DSCAM: variants seen among roughly 807,000 people sequenced by gnomAD.
The protein encoded by DSCAM is cell adhesion molecule DSCAM.
Under a neutral mutation model 217.7 loss-of-function variants are expected in DSCAM, and 47 were observed. The ratio of observed to expected loss-of-function variants is 0.22; its 90% confidence interval spans 0.17 to 0.28. The LOEUF is 0.28. DSCAM is among the 10% of genes least tolerant of loss of function. DSCAM has a pLI of 1.00. For missense variants in DSCAM, 2,080 were observed against 2,618.3 expected (o/e 0.79, Z 4.49); for synonymous variants, 1,056 against 1,015.3 (o/e 1.04, Z -0.76).
chr21:40,556,597 T>G (rs529058509), intron 3 of DSCAM, among the ~76,000 whole-genome samples: 1 of 152,032 alleles, frequency 6.6e-6, no homozygotes, highest in Non-Finnish European at 1.5e-5. Flanking sequence ...CTTCCACTCA[T>G]GGTGGAAGGC....
intron 1 of DSCAM, among the ~76,000 whole-genome samples, chr21:40,728,747 C>T (rs542741059): frequency 4.8e-4 from 73 of 152,346 alleles, no homozygotes; most frequent in African/African-American, 1.7e-3. Flanking sequence ...AATGCCGCCT[C>T]TCCATTTGCA....
intron 3 of DSCAM, among the ~76,000 whole-genome samples, chr21:40,537,996 G>C (rs969016437): frequency 1.3e-5 from 2 of 152,200 alleles, no homozygotes; most frequent in Non-Finnish European, 2.9e-5. Flanking sequence ...ATCTCAGAGA[G>C]AGCGCTCAAT....
intron 10 of DSCAM, among the ~76,000 whole-genome samples, chr21:40,286,005 G>T (rs1321790777): frequency 6.6e-6 from 1 of 152,094 alleles, no homozygotes; most frequent in African/African-American, 2.4e-5. Flanking sequence ...GTGGAGTCTT[G>T]GGGTGCTCTA....
intron 4 of DSCAM, among the ~76,000 whole-genome samples, chr21:40,365,457 T>C (rs2074821257): frequency 1.3e-5 from 2 of 152,280 alleles, no homozygotes; most frequent in South Asian, 4.1e-4. Flanking sequence ...TTTTGGGAAT[T>C]AGACTGACTT....
chr21:40,203,304 T>G (rs2091090152), intron 11 of DSCAM, among the ~76,000 whole-genome samples: 1 of 152,266 alleles, frequency 6.6e-6, no homozygotes, highest in South Asian at 2.1e-4. Context: ...CATACATGTA[T>G]AGTACCTGTT....
At chr21:40,246,835 G>A (rs371352828) in intron 11 of DSCAM, among the ~76,000 whole-genome samples, 3 of 152,284 alleles carry the variant, frequency 2.0e-5, no homozygotes, top group African/African-American at 2.4e-5. Flanking sequence ...TCACCTATAT[G>A]TGGCCTTGGG....
At chr21:40,506,366 A>C (rs936775711) in intron 3 of DSCAM, among the ~76,000 whole-genome samples, 3 of 152,212 alleles carry the variant, frequency 2.0e-5, no homozygotes, top group South Asian at 4.1e-4. Context: ...TCCATGATGA[A>C]CATGAAAAAT....
chr21:40,092,454 G>A (rs1332282176), intron 21 of DSCAM, among the ~76,000 whole-genome samples: 1 of 152,142 alleles, frequency 6.6e-6, no homozygotes, highest in Non-Finnish European at 1.5e-5. Flanking sequence ...CACTCAAAAT[G>A]ACTTATTAAA....
chr21:40,059,594 G>A (rs943630511), intron 28 of DSCAM, among the ~76,000 whole-genome samples: 12 of 152,150 alleles, frequency 7.9e-5, no homozygotes, highest in Non-Finnish European at 1.2e-4. Flanking sequence ...CCTGAAATAC[G>A]CAGATACTTC....
At chr21:40,679,088 C>G (rs1370556695) in intron 3 of DSCAM, among the ~76,000 whole-genome samples, 1 of 152,210 alleles carries the variant, frequency 6.6e-6, no homozygotes, top group African/African-American at 2.4e-5. Flanking sequence ...CAGGCTGCCC[C>G]TGATTGGCCA....
chr21:40,807,641 C>T (rs2091799992), intron 1 of DSCAM, among the ~76,000 whole-genome samples: 1 of 152,094 alleles, frequency 6.6e-6, no homozygotes, highest in South Asian at 2.1e-4. Context: ...AATATAAAGA[C>T]CCAAAGGTCA....
intron 3 of DSCAM, among the ~76,000 whole-genome samples, chr21:40,395,663 T>C (rs539835520): frequency 6.6e-6 from 1 of 152,340 alleles, no homozygotes; most frequent in East Asian, 1.9e-4. Flanking sequence ...TTTCTCTTTA[T>C]ATTCATGAAC....
intron 26 of DSCAM, 101 bp from the exon 27 acceptor site, chr21:40,075,314 G>C (rs1490517845): frequency 1.8e-5 from 22 of 1,251,094 alleles, no homozygotes; most frequent in Non-Finnish European, 2.3e-5. Flanking sequence ...TGATCCAAGG[G>C]TGTTGGAGGT....
chr21:40,185,528 C>A (rs1463842981), intron 14 of DSCAM, among the ~76,000 whole-genome samples: 4 of 152,182 alleles, frequency 2.6e-5, no homozygotes, highest in Non-Finnish European at 5.9e-5. Context: ...CTCCTGTGTG[C>A]TCCCGCACCA....
intron 3 of DSCAM, among the ~76,000 whole-genome samples, chr21:40,573,108 C>A (rs112295319): frequency 0.038 from 5,756 of 152,140 alleles, 314 homozygotes; most frequent in African/African-American, 0.12. Context: ...GAGGCCGAGG[C>A]GGGCAGATCA....
chr21:40,843,380 G>GCA (rs2092118386), intron 1 of DSCAM, among the ~76,000 whole-genome samples: 1 of 139,792 alleles, frequency 7.2e-6, no homozygotes, highest in South Asian at 2.1e-4. Context: ...GTGTGTGTGT[G>GCA]TGTGTGTGTG....
chr21:40,644,963 C>T (rs935086149), intron 3 of DSCAM, among the ~76,000 whole-genome samples: 14 of 152,128 alleles, frequency 9.2e-5, no homozygotes, highest in African/African-American at 3.4e-4. Flanking sequence ...AGCACTCATA[C>T]CCTTCTACCA....
intron 10 of DSCAM, among the ~76,000 whole-genome samples, chr21:40,291,213 C>T (rs1027003428): frequency 1.3e-5 from 2 of 152,342 alleles, no homozygotes; most frequent in South Asian, 2.1e-4. Context: ...ACCCTGGTTC[C>T]GGCCACATCC....
intron 3 of DSCAM, among the ~76,000 whole-genome samples, chr21:40,474,419 C>G (rs944535730): frequency 1.3e-5 from 2 of 152,092 alleles, no homozygotes; most frequent in African/African-American, 4.8e-5. Context: ...ATATAATATT[C>G]CATTTAATTG....
Sources: gnomAD v4.1 joint callset for allele counts (sites outside exome capture counted in the v4.1 genomes callset) on GRCh38, gnomAD v4.1.1 for gene constraint, MANE v1.5 for transcripts, NCBI Gene and HGNC (gene_info 2026-07-23, HGNC 2026-07-21) for gene names.